Variants in NXN observed in about 807,000 individuals in gnomAD.
The protein encoded by NXN is nucleoredoxin 1.
A neutral mutation model predicts 48.6 loss-of-function variants in NXN; 16 were observed. The observed-to-expected ratio is 0.33, with a 90% CI of 0.22 to 0.50. NXN has a LOEUF of 0.50. Among genes scored for constraint, NXN ranks in the 20% least tolerant of loss-of-function variants. The probability of loss-of-function intolerance (pLI) is 0.98; values close to 1 mark genes in which losing one functional copy is unlikely to be tolerated. For synonymous variants in NXN, 281 were observed against 269.6 expected (o/e 1.04, Z -0.41); for missense variants, 492 against 605.5 (o/e 0.81, Z 1.97).
At chr17:872,471 G>A (rs2068166659) in intron 1 of NXN, among the ~76,000 whole-genome samples, 1 of 150,740 alleles carries the variant, frequency 6.6e-6, no homozygotes, top group South Asian at 2.1e-4. Context: ...ATCAATCAAA[G>A]GCAAGGAGAG....
chr17:909,958 A>G (rs148773790), intron 1 of NXN: 14 of 152,334 alleles, frequency 9.2e-5, no homozygotes, highest in Non-Finnish European at 1.5e-4. Context: ...TTTAATATCT[A>G]TATCTATCCA....
intron 1 of NXN, among the ~76,000 whole-genome samples, chr17:944,345 T>C (rs72812057): frequency 0.03 from 4,525 of 152,342 alleles, 104 homozygotes; most frequent in Non-Finnish European, 0.045. Context: ...CTCGTCCATA[T>C]TGGCCCCAAA....
intron 1 of NXN, among the ~76,000 whole-genome samples, chr17:828,132 C>A (rs1050847378): frequency 1.3e-5 from 2 of 152,094 alleles, no homozygotes; most frequent in Non-Finnish European, 2.9e-5. Flanking sequence ...TAAACAGAAT[C>A]TCGCTCTGTC....
chr17:915,372 C>T (rs2068678153), intron 1 of NXN, among the ~76,000 whole-genome samples: 1 of 152,226 alleles, frequency 6.6e-6, no homozygotes, highest in African/African-American at 2.4e-5. Context: ...CAACCTCCAC[C>T]TCCTGGGCTC....
chr17:942,933 CATCACACCTTCCTGGATTTACAGTGAA>C, intron 1 of NXN, among the ~76,000 whole-genome samples: 6 of 41,352 alleles, frequency 1.5e-4, no homozygotes, highest in Non-Finnish European at 1.3e-4. Flanking sequence ...CATGAACTCA[CATCACACCTTCCTGGATTTACAGTGAA>C]CAAGATTCCA....
At chr17:827,702 G>A (rs1041651762) in intron 1 of NXN, among the ~76,000 whole-genome samples, 1 of 152,252 alleles carries the variant, frequency 6.6e-6, no homozygotes, top group South Asian at 2.1e-4. Context: ...GCTGCAGAGT[G>A]CCCCACTGTT....
chr17:805,955 A>C (rs1221602353), intron 5 of NXN, among the ~76,000 whole-genome samples: 1 of 152,048 alleles, frequency 6.6e-6, no homozygotes, highest in Non-Finnish European at 1.5e-5. Flanking sequence ...GGGGTCAAAC[A>C]CGGAACAGGC....
chr17:824,708 C>G (rs1172271841), intron 2 of NXN, among the ~76,000 whole-genome samples: 1 of 152,178 alleles, frequency 6.6e-6, no homozygotes, highest in Non-Finnish European at 1.5e-5. Flanking sequence ...AAAACCCACC[C>G]AGCCCAGATG....
intron 1 of NXN, among the ~76,000 whole-genome samples, chr17:892,476 G>A (rs2068433709): frequency 6.6e-6 from 1 of 152,140 alleles, no homozygotes; most frequent in African/African-American, 2.4e-5. Context: ...CCCCCGCACA[G>A]CCAGGCCACC....
intron 1 of NXN, among the ~76,000 whole-genome samples, chr17:843,648 C>G (rs1331424050): frequency 1.3e-5 from 2 of 152,094 alleles, no homozygotes; most frequent in African/African-American, 2.4e-5. Flanking sequence ...TCAAAGGGAC[C>G]CCATCCCAGA....
chr17:860,280 C>T (rs1169877790), intron 1 of NXN, among the ~76,000 whole-genome samples: 2 of 152,162 alleles, frequency 1.3e-5, no homozygotes, highest in African/African-American at 2.4e-5. Context: ...TGTGCCGCCG[C>T]GCCCGGCTAA....
intron 1 of NXN, among the ~76,000 whole-genome samples, chr17:851,303 G>A (rs1335811103): frequency 6.6e-6 from 1 of 152,270 alleles, no homozygotes; most frequent in Admixed American, 6.5e-5. Context: ...GAAGACGCCA[G>A]GACAAAAGAC....
At chr17:911,762 G>A (rs1357274756) in intron 1 of NXN, among the ~76,000 whole-genome samples, 6 of 132,368 alleles carry the variant, frequency 4.5e-5, no homozygotes, top group Middle Eastern at 4.2e-3. Context: ...CACAGGGCCC[G>A]GCCAATTTTT....
At chr17:856,214 T>G (rs1412688005) in intron 1 of NXN, among the ~76,000 whole-genome samples, 1 of 150,850 alleles carries the variant, frequency 6.6e-6, no homozygotes, top group Non-Finnish European at 1.5e-5. Context: ...GAGGGTCTGA[T>G]CTCTCCTTGC....
intron 2 of NXN, 71 bp from the exon 3 acceptor site, chr17:823,836 G>T: frequency 6.4e-7 from 1 of 1,553,974 alleles, no homozygotes; most frequent in Non-Finnish European, 8.8e-7. Flanking sequence ...GGAGACTTCA[G>T]AGCGGTTAAG....
chr17:834,551 A>G (rs1913681828), intron 1 of NXN, among the ~76,000 whole-genome samples: 1 of 152,132 alleles, frequency 6.6e-6, no homozygotes, highest in Non-Finnish European at 1.5e-5. Context: ...AGTAGCTGGA[A>G]TTACAGGCAC....
rs918235899 is a variant in NXN, at chr17:920,602, G to A, written c.360+58717C>T. On this transcript the variant is annotated intron_variant, in intron 1 of 7. Coordinates refer to ENST00000336868, the MANE Select transcript of NXN (RefSeq NM_022463.5). The surrounding 1 kb of genome is among the most constrained non-coding windows in gnomAD (Gnocchi z 4.6). Reference sequence around the variant, plus strand: ...CCATCCGTATGCCCTAGCCCAGGGTGGGTCTCATCAACTGTACCCTCACTG... The same window carrying A: ...CCATCCGTATGCCCTAGCCCAGGGTAGGTCTCATCAACTGTACCCTCACTG... Among the ~76,000 whole-genome samples the A allele has an allele frequency of 1.3e-5, 2 of 152,072 alleles. No homozygotes were observed. The highest frequency in any genetic ancestry group is 2.9e-5 in the Non-Finnish European group (2 of 68,026).
At chr17:929,334 TTATTAAA>T (rs1238121823) in intron 1 of NXN, among the ~76,000 whole-genome samples, 1 of 152,210 alleles carries the variant, frequency 6.6e-6, no homozygotes, top group Non-Finnish European at 1.5e-5. Context: ...CTGGTTCACG[TTATTAAA>T]TATGTCCAAT....
intron 1 of NXN, among the ~76,000 whole-genome samples, chr17:953,865 G>A (rs924793776): frequency 2.6e-5 from 4 of 151,984 alleles, no homozygotes; most frequent in African/African-American, 7.2e-5. Context: ...TGAGCCCAGA[G>A]GTTGAGGCTG....
Sources: gnomAD v4.1 joint callset for allele counts (sites outside exome capture counted in the v4.1 genomes callset) on GRCh38, gnomAD v4.1.1 for gene constraint, Gnocchi (gnomAD v3.1) non-coding constraint, MANE v1.5 for transcripts, NCBI Gene and HGNC (gene_info 2026-07-23, HGNC 2026-07-21) for gene names.